SF3A1: variants seen among roughly 807,000 people sequenced by gnomAD.
SF3A1 encodes the protein splicing factor 3a subunit 1.
A neutral mutation model predicts 89.9 loss-of-function variants in SF3A1; 13 were observed. That is an observed-to-expected ratio of 0.14 (90% CI 0.09 to 0.23). The LOEUF is 0.23. Among genes scored for constraint, SF3A1 ranks in the 10% least tolerant of loss-of-function variants. The pLI is 1.00. For missense variants in SF3A1, 604 were observed against 1,022.1 expected (o/e 0.59, Z 5.58); for synonymous variants, 405 against 374.4 (o/e 1.08, Z -0.94).
intron 1 of SF3A1, among the ~76,000 whole-genome samples, chr22:30,353,495 G>GC (rs768568441): frequency 1.3e-5 from 2 of 152,204 alleles, no homozygotes; most frequent in African/African-American, 2.4e-5. Flanking sequence ...CCACCACCTG[G>GC]CCCTGGTGGT....
rs376015209 is a variant in SF3A1 at position 30,336,021 on chromosome 22, A to T, written c.2107-268T>A. Among the ~76,000 whole-genome samples, 19 of 152,198 alleles carry T rather than the reference A, an allele frequency of 1.2e-4. 1 individual carries two copies. The East Asian group carries it at 1.9e-3, about 15-fold the overall frequency. On this transcript the variant is annotated intron_variant, in intron 13 of 15. Transcript: ENST00000215793. ...GAACTTTAGTGAAAATACTCTGCAC[A>T]CCCCAAGGGAAAAGAATATGACCTG... is the stretch of plus-strand genomic sequence containing the variant.
intron 15 of SF3A1, among the ~76,000 whole-genome samples, 162 bp downstream of exon 15, chr22:30,335,298 GCACACCT>G (rs1931030968): frequency 6.6e-6 from 1 of 152,058 alleles, no homozygotes; most frequent in Non-Finnish European, 1.5e-5. Flanking sequence ...GCATTGTTGG[GCACACCT>G]GCCCCAACAC....
intron 1 of SF3A1, among the ~76,000 whole-genome samples, chr22:30,354,995 C>T (rs1475569328): frequency 6.6e-6 from 1 of 152,094 alleles, no homozygotes; most frequent in Non-Finnish European, 1.5e-5. Flanking sequence ...TATATTAACT[C>T]TTATAACCTT....
intron 5 of SF3A1, 133 bp downstream of exon 5, chr22:30,342,672 G>A (rs548855800): frequency 8.2e-5 from 57 of 693,958 alleles, no homozygotes; most frequent in Non-Finnish European, 1.4e-4. Context: ...TTTGGCCTTT[G>A]TAGCCAACAA....
At position 30,337,131 on chromosome 22, in the gene SF3A1, C is replaced by G. The variant is rs1439565267; in HGVS notation, c.2001G>C (p.Met667Ile). Residue 667 changes from methionine (M) to isoleucine (I), a missense_variant, in exon 13 of 16, where the codon ATG becomes ATC. Physicochemically the swap from Met to Ile is conservative, Grantham distance 10. Coordinates refer to ENST00000215793, the MANE Select transcript of SF3A1 (RefSeq NM_005877.6). ...PVAPVPAPAPMPPVHPPPPME... is the reference protein window; with the variant it reads ...PVAPVPAPAPIPPVHPPPPME... ...TGGGAGGTGGGGGATGCACAGGGGG[C>G]ATTGGGGCTGGAGCTGGGACAGGTG... 3.1e-6 allele frequency: 5 copies of G among 1,613,758 alleles called. No homozygotes were observed. Among genetic ancestry groups the G allele is most frequent in the Non-Finnish European group, 3.4e-6 (4 of 1,179,832 alleles).
At chr22:30,341,089 C>CG (rs35333376) in intron 7 of SF3A1, among the ~76,000 whole-genome samples, 32 of 52,224 alleles carry the variant, frequency 6.1e-4, no homozygotes, top group South Asian at 3.8e-3. Context: ...CTTAACATGC[C>CG]GGGGGGGGAC....
At position 30,335,738 on chromosome 22, in the gene SF3A1, T is replaced by C. The variant is rs373925223; in HGVS notation, c.2122A>G (p.Lys708Glu). The C allele has an allele frequency of 1.2e-6, 2 of 1,613,988 alleles. No homozygotes were observed. Among genetic ancestry groups the C allele is most frequent in the African/African-American group, 2.7e-5 (2 of 74,922 alleles). Reference sequence around the variant, plus strand: ...TCCTGCATGTTGGGCACCTGGACTTTGATGGACACTGGACCCTACAAAACA... The same window carrying C: ...TCCTGCATGTTGGGCACCTGGACTTCGATGGACACTGGACCCTACAAAACA... Reference protein sequence around the residue: ...LRRNKGPVSIKVQVPNMQDKT... With the variant: ...LRRNKGPVSIEVQVPNMQDKT... The change falls in exon 14 of 16, where the codon AAA becomes GAA. Residue 708 changes from lysine to glutamate, a missense_variant. By Grantham distance (56) the Lys-to-Glu change is moderately conservative. Around this residue, in one of 9 missense-constraint regions of SF3A1, gnomAD observed 74 missense variants for 141.3 expected, o/e 0.52. Coordinates refer to ENST00000215793, the MANE Select transcript of SF3A1 (RefSeq NM_005877.6).
intron 1 of SF3A1, among the ~76,000 whole-genome samples, 163 bp from the exon 2 acceptor site, chr22:30,353,235 G>A (rs893141400): frequency 6.6e-6 from 1 of 152,184 alleles, no homozygotes; most frequent in Non-Finnish European, 1.5e-5. Flanking sequence ...TAAGTTCACT[G>A]CACCTGCAGG....
chr22:30,349,430 G>A (rs188066038), intron 2 of SF3A1, among the ~76,000 whole-genome samples: 27 of 152,202 alleles, frequency 1.8e-4, no homozygotes, highest in African/African-American at 5.8e-4. Flanking sequence ...ACAGGCGCCC[G>A]CCACCACACC....
chr22:30,345,284 A>T, intron 3 of SF3A1, 94 bp from the exon 4 acceptor site: 1 of 1,222,306 alleles, frequency 8.2e-7, no homozygotes, highest in East Asian at 2.3e-5. Context: ...ACCCCTCAGC[A>T]GGATGCTGTG....
intron 1 of SF3A1, 22 bp from the exon 2 acceptor site, chr22:30,353,094 T>C (rs367615008): frequency 1.2e-6 from 2 of 1,612,744 alleles, no homozygotes; most frequent in African/African-American, 2.7e-5. Context: ...GGAAAAGAAA[T>C]AAGGTTTTAA....
intron 9 of SF3A1, 58 bp downstream of exon 9, chr22:30,340,138 G>A (rs1240585967): frequency 1.5e-6 from 2 of 1,375,620 alleles, no homozygotes; most frequent in Non-Finnish European, 1.9e-6. Flanking sequence ...TGTTTGCTTA[G>A]AAGAAGATGG....
intron 1 of SF3A1, among the ~76,000 whole-genome samples, chr22:30,355,309 C>T (rs1205635964): frequency 6.6e-6 from 1 of 152,188 alleles, no homozygotes; most frequent in Non-Finnish European, 1.5e-5. Context: ...CTGGACCCGG[C>T]CAAGAACTCT....
chr22:30,344,807 A>C (rs1030834007), intron 4 of SF3A1, 126 bp downstream of exon 4: 2 of 1,109,706 alleles, frequency 1.8e-6, no homozygotes, highest in Non-Finnish European at 2.6e-6. Context: ...TGGGATTCAA[A>C]ACATTTGCTC....
intron 11 of SF3A1, among the ~76,000 whole-genome samples, chr22:30,338,336 T>C (rs1204659412): frequency 6.6e-6 from 1 of 151,760 alleles, no homozygotes; most frequent in African/African-American, 2.4e-5. Context: ...CGCATCCCTG[T>C]AATCCCAGCT....
At chr22:30,354,979 T>C (rs532426534) in intron 1 of SF3A1, among the ~76,000 whole-genome samples, 1 of 152,304 alleles carries the variant, frequency 6.6e-6, no homozygotes, top group Non-Finnish European at 1.5e-5. Context: ...TCCCAAGCAC[T>C]TTAAATATAT....
At chr22:30,349,585 G>T (rs946748079) in intron 2 of SF3A1, among the ~76,000 whole-genome samples, 1 of 151,302 alleles carries the variant, frequency 6.6e-6, no homozygotes, top group Non-Finnish European at 1.5e-5. Context: ...CTGGCTCACA[G>T]ATTTTAGAAA....
intron 9 of SF3A1, among the ~76,000 whole-genome samples, chr22:30,339,687 CG>C (rs1179941241): frequency 6.6e-6 from 1 of 152,134 alleles, no homozygotes. Context: ...ACGTGAGAGG[CG>C]GAAGTTGCAG....
chr22:30,352,937 A>G lies in SF3A1; in HGVS notation c.185+14T>C. The G allele has an allele frequency of 1.2e-6, 2 of 1,613,856 alleles. No individual in the cohort carries two copies. Among genetic ancestry groups the G allele is most frequent in the Non-Finnish European group, 1.7e-6 (2 of 1,179,822 alleles). Reference sequence around the variant, plus strand: ...CTGAAACCCACCTCTGACCCACCCAAGTAGCTCTGTTACCTGGCCACAAAG... The same window carrying G: ...CTGAAACCCACCTCTGACCCACCCAGGTAGCTCTGTTACCTGGCCACAAAG... On this transcript the variant is annotated intron_variant, in intron 2 of 15. Transcript: ENST00000215793.
Sources: allele counts gnomAD v4.1 joint callset (sites outside exome capture counted in the v4.1 genomes callset), GRCh38; gene constraint gnomAD v4.1.1; regional missense constraint gnomAD v4.1.1; transcripts MANE v1.5; gene names NCBI Gene and HGNC (gene_info 2026-07-23, HGNC 2026-07-21).